DIAPH3: variants seen among roughly 807,000 people sequenced by gnomAD.
The protein encoded by DIAPH3 is protein diaphanous homolog 3.
A neutral mutation model predicts 144.3 loss-of-function variants in DIAPH3; 117 were observed. The ratio of observed to expected loss-of-function variants is 0.81; its 90% CI spans 0.70 to 0.95. DIAPH3 has a LOEUF of 0.95. Ranked by LOEUF, DIAPH3 falls within the 40% of genes least tolerant of loss-of-function variation. DIAPH3 has a pLI of 0.00. For synonymous variants in DIAPH3, 519 were observed against 488.9 expected, an observed-to-expected ratio of 1.06 and a Z score of -0.81; for missense variants, 1,421 against 1,412.7, an observed-to-expected ratio of 1.01 and a Z score of -0.09.
intron 5 of DIAPH3, among the ~76,000 whole-genome samples, chr13:60,025,659 T>A (rs556002493): frequency 6.6e-6 from 1 of 152,144 alleles, no homozygotes; most frequent in Admixed American, 6.6e-5. Flanking sequence ...AAAAGAACTA[T>A]AAAGAAATGA....
At chr13:60,109,265 C>T (rs925487873) in intron 3 of DIAPH3, among the ~76,000 whole-genome samples, 2 of 152,090 alleles carry the variant, frequency 1.3e-5, no homozygotes, top group Non-Finnish European at 2.9e-5. Flanking sequence ...ACCAGTCAAG[C>T]CGACCAGGAT....
intron 4 of DIAPH3, among the ~76,000 whole-genome samples, chr13:60,054,918 A>T (rs2056498203): frequency 6.6e-6 from 1 of 152,010 alleles, no homozygotes; most frequent in African/African-American, 2.4e-5. Context: ...TTATTCACAG[A>T]TAATTTTATG....
At chr13:59,767,487 GT>G (rs35387510) in intron 27 of DIAPH3, among the ~76,000 whole-genome samples, 33 of 146,340 alleles carry the variant, frequency 2.3e-4, no homozygotes, top group East Asian at 8.0e-4. Context: ...CCTTTTACCA[GT>G]TTTTTTTTTT....
chr13:59,739,182 C>G (rs943255335), intron 27 of DIAPH3, among the ~76,000 whole-genome samples: 1 of 152,080 alleles, frequency 6.6e-6, no homozygotes, highest in Non-Finnish European at 1.5e-5. Context: ...TTTGAATTTG[C>G]GTTTTGTTAA....
At chr13:59,869,114 G>A (rs1473111864) in intron 21 of DIAPH3, among the ~76,000 whole-genome samples, 1 of 152,134 alleles carries the variant, frequency 6.6e-6, no homozygotes, top group African/African-American at 2.4e-5. Context: ...TGTTCTACGT[G>A]TAGCTTTGTA....
At chr13:59,762,619 C>CT (rs1034591648) in intron 27 of DIAPH3, among the ~76,000 whole-genome samples, 39 of 147,146 alleles carry the variant, frequency 2.7e-4, no homozygotes, top group South Asian at 1.5e-3. Flanking sequence ...CCTATTGCCT[C>CT]TTTTTTTTTT....
At chr13:59,728,096 A>C (rs911093647) in intron 27 of DIAPH3, among the ~76,000 whole-genome samples, 9 of 152,052 alleles carry the variant, frequency 5.9e-5, no homozygotes, top group African/African-American at 2.2e-4. Context: ...CAAAAAAAAC[A>C]AATAAATAAA....
In DIAPH3 at chr13:59,983,798, C is replaced by T. The variant is rs2051190080; in HGVS notation, c.1451G>A (p.Arg484Lys). ...GMDPDFTYRK[R>K]LDLDLTQFVD... ...AAACTGGGTTAAATCTAAATCTAGTCTTTTTCGATATGTGAAGTCTGGATC... is the reference window on the plus strand; with the variant it reads ...AAACTGGGTTAAATCTAAATCTAGTTTTTTTCGATATGTGAAGTCTGGATC... Residue 484 changes from arginine (R) to lysine (K), a missense_variant, in exon 13 of 28, where the codon AGA becomes AAA. Arg to Lys is a conservative substitution (Grantham distance 26). Transcript: ENST00000400324. 2 of 1,607,792 alleles carry T rather than the reference C, an allele frequency of 1.2e-6. No individual in the cohort carries two copies. Among genetic ancestry groups the T allele is most frequent in the South Asian group, 1.1e-5 (1 of 90,872 alleles).
intron 20 of DIAPH3, among the ~76,000 whole-genome samples, chr13:59,895,825 C>T (rs752005019): frequency 2.0e-5 from 3 of 152,112 alleles, no homozygotes; most frequent in Admixed American, 1.3e-4. Flanking sequence ...ACGAGGTAGT[C>T]GACATTCTAG....
At chr13:59,809,221 G>C (rs2040343208) in intron 25 of DIAPH3, among the ~76,000 whole-genome samples, 1 of 152,166 alleles carries the variant, frequency 6.6e-6, no homozygotes, top group Non-Finnish European at 1.5e-5. Flanking sequence ...TAATGTTCAG[G>C]CTGGGAGCAG....
chr13:59,855,199 C>T (rs536496648), intron 22 of DIAPH3, among the ~76,000 whole-genome samples: 13 of 152,254 alleles, frequency 8.5e-5, no homozygotes, highest in African/African-American at 2.2e-4. Flanking sequence ...CAACTCTATA[C>T]AGATAATCCC....
At chr13:59,946,767 T>A (rs1594087285) in intron 17 of DIAPH3, among the ~76,000 whole-genome samples, 1 of 152,080 alleles carries the variant, frequency 6.6e-6, no homozygotes, top group African/African-American at 2.4e-5. Flanking sequence ...GATATGTTAT[T>A]TTTTTTAACT....
intron 4 of DIAPH3, among the ~76,000 whole-genome samples, chr13:60,047,539 GA>G (rs1286615741): frequency 2.6e-5 from 4 of 152,094 alleles, no homozygotes; most frequent in African/African-American, 9.7e-5. Flanking sequence ...TGATTTTCAC[GA>G]AAGTTGTCAA....
intron 19 of DIAPH3, among the ~76,000 whole-genome samples, chr13:59,914,992 A>ATC (rs2047160473): frequency 6.6e-6 from 1 of 152,190 alleles, no homozygotes; most frequent in South Asian, 2.1e-4. Context: ...TAAAAAGCAA[A>ATC]TCATCTCTTT....
At chr13:59,841,328 C>A (rs2042328895) in intron 22 of DIAPH3, among the ~76,000 whole-genome samples, 1 of 152,030 alleles carries the variant, frequency 6.6e-6, no homozygotes, top group Non-Finnish European at 1.5e-5. Context: ...TGGTGATGCA[C>A]ATCTGTAATC....
chr13:59,669,825 C>T (rs1001142164), intron 27 of DIAPH3, among the ~76,000 whole-genome samples: 3 of 152,166 alleles, frequency 2.0e-5, no homozygotes, highest in Non-Finnish European at 4.4e-5. Context: ...TACTTACTCT[C>T]TTAATTCCTC....
intron 21 of DIAPH3, 25 bp downstream of exon 21, chr13:59,879,204 T>C (rs1278801244): frequency 4.3e-6 from 7 of 1,613,340 alleles, no homozygotes; most frequent in Non-Finnish European, 5.9e-6. Flanking sequence ...CAGGCAAATA[T>C]GTGTTTTTAA....
intron 11 of DIAPH3, 61 bp downstream of exon 11, chr13:59,992,006 GT>G: frequency 7.7e-7 from 1 of 1,298,806 alleles, no homozygotes; most frequent in East Asian, 2.3e-5. Flanking sequence ...TTGTGGCTGA[GT>G]ATTTTGGATT....
chr13:60,065,836 T>A (rs2056941860), intron 4 of DIAPH3, among the ~76,000 whole-genome samples: 1 of 152,186 alleles, frequency 6.6e-6, no homozygotes, highest in Admixed American at 6.5e-5. Flanking sequence ...TAATTAAGTA[T>A]GTTTCTAATT....
Sources: allele counts gnomAD v4.1 joint callset (sites outside exome capture counted in the v4.1 genomes callset), GRCh38; gene constraint gnomAD v4.1.1; transcripts MANE v1.5; gene names NCBI Gene and HGNC (gene_info 2026-07-23, HGNC 2026-07-21).